Variants in FMN2 observed in about 807,000 individuals in gnomAD.
FMN2 encodes formin 2, also known as formin-2.
Under a neutral mutation model 142.3 loss-of-function variants are expected in FMN2, and 51 were observed. That is an observed-to-expected ratio of 0.36 (90% confidence interval 0.29 to 0.45). FMN2 has a LOEUF of 0.45. FMN2 is among the 20% of genes least tolerant of loss of function. The pLI is 1.00. For missense variants in FMN2, 1,936 were observed against 2,122.8 expected (o/e 0.91, Z 1.73); for synonymous variants, 882 against 869.8 (o/e 1.01, Z -0.25).
At chr1:240,388,172 C>G (rs1196865932) in intron 14 of FMN2, among the ~76,000 whole-genome samples, 1 of 67,492 alleles carries the variant, frequency 1.5e-5, no homozygotes, top group Non-Finnish European at 2.6e-5. Flanking sequence ...AGCAAGACTC[C>G]CATCTCAAAA....
intron 14 of FMN2, among the ~76,000 whole-genome samples, chr1:240,377,110 G>A (rs1158137921): frequency 1.3e-5 from 2 of 151,952 alleles, no homozygotes; most frequent in African/African-American, 2.4e-5. Context: ...CTCATAATTA[G>A]CATTTCCAGT....
At chr1:240,172,201 T>TACACAC (rs138951858) in intron 2 of FMN2, among the ~76,000 whole-genome samples, 14 of 147,128 alleles carry the variant, frequency 9.5e-5, no homozygotes, top group African/African-American at 3.4e-4. Flanking sequence ...CACATACACA[T>TACACAC]ACACACACAC....
intron 6 of FMN2, among the ~76,000 whole-genome samples, chr1:240,249,054 C>A (rs2102881861): frequency 6.6e-6 from 1 of 152,074 alleles, no homozygotes; most frequent in Non-Finnish European, 1.5e-5. Context: ...CAGGCAATGT[C>A]TTTACTCTGT....
intron 13 of FMN2, 45 bp from the exon 14 acceptor site, chr1:240,355,771 C>A: frequency 7.1e-7 from 1 of 1,405,678 alleles, no homozygotes; most frequent in Non-Finnish European, 1.0e-6. Context: ...CCTTAATGCT[C>A]CACTAACAGT....
At chr1:240,137,352 C>T (rs1253072897) in intron 2 of FMN2, among the ~76,000 whole-genome samples, 1 of 152,094 alleles carries the variant, frequency 6.6e-6, no homozygotes, top group Non-Finnish European at 1.5e-5. Flanking sequence ...GTGCCTGTCA[C>T]AACTACTCAA....
chr1:240,193,513 G>A (rs188034069), intron 4 of FMN2, among the ~76,000 whole-genome samples: 14 of 152,350 alleles, frequency 9.2e-5, no homozygotes, highest in Admixed American at 7.2e-4. Flanking sequence ...TTTTTGGATA[G>A]ATGGAGGGAA....
chr1:240,201,949 A>G (rs1005988141), intron 4 of FMN2, among the ~76,000 whole-genome samples: 3 of 152,216 alleles, frequency 2.0e-5, no homozygotes, highest in African/African-American at 7.2e-5. Flanking sequence ...CAGGGGAGTT[A>G]AAACTTTTGA....
chr1:240,257,766 A>C (rs75099561), intron 6 of FMN2, among the ~76,000 whole-genome samples, 179 bp from the exon 7 acceptor site: 8,609 of 152,254 alleles, frequency 0.057, 273 homozygotes, highest in East Asian at 0.1. Context: ...TTGAAGATTT[A>C]TGATATAAAA....
At chr1:240,448,746 G>A (rs1200441585) in intron 16 of FMN2, among the ~76,000 whole-genome samples, 1 of 152,106 alleles carries the variant, frequency 6.6e-6, no homozygotes, top group Admixed American at 6.5e-5. Flanking sequence ...ACTTGAGCAT[G>A]GGAGGTTGAG....
In FMN2 at chr1:240,198,446, G is replaced by T. The variant is rs115698833; in HGVS notation, c.1987-8353G>T. ...TCCATATCACATTTCTCAGTCATCC[G>T]TGAAGGAATGGAAAGAGATTTGCCA... On this transcript the variant is annotated intron_variant, in intron 4 of 17. Coordinates refer to ENST00000319653, the MANE Select transcript of FMN2 (RefSeq NM_020066.5). 7.2e-5 allele frequency among the ~76,000 whole-genome samples: 11 copies of T among 152,246 alleles called. No homozygotes were observed. The East Asian group carries it at 2.1e-3, about 29-fold the overall frequency.
intron 6 of FMN2, among the ~76,000 whole-genome samples, chr1:240,228,878 A>C (rs530761385): frequency 1.3e-5 from 2 of 152,288 alleles, no homozygotes; most frequent in Non-Finnish European, 2.9e-5. Context: ...AGAGTTCATT[A>C]ATCTCAGAAG....
intron 14 of FMN2, among the ~76,000 whole-genome samples, chr1:240,387,420 T>G (rs1227926575): frequency 6.6e-6 from 1 of 152,226 alleles, no homozygotes; most frequent in Non-Finnish European, 1.5e-5. Context: ...TAAATTCACA[T>G]GAAGTATTAT....
chr1:240,123,217 A>G lies in FMN2; in HGVS notation c.1654A>G (p.Asn552Asp). 1 of 1,614,126 alleles carries G rather than the reference A, an allele frequency of 6.2e-7. No homozygotes were observed. Among genetic ancestry groups the G allele is most frequent in the Non-Finnish European group, 8.5e-7 (1 of 1,180,032 alleles). The change falls in exon 2 of 18, where the codon AAC becomes GAC. Residue 552 changes from asparagine (N) to aspartate (D), a missense_variant. Coordinates refer to ENST00000319653, the MANE Select transcript of FMN2 (RefSeq NM_020066.5). ...LLEKLFSQQE[N>D]GPPEEAEKFC... ...GGAGAAGCTGTTCAGCCAGCAGGAGAACGGGCCTCCAGAAGAAGCAGAGAA... is the reference window on the plus strand; with the variant it reads ...GGAGAAGCTGTTCAGCCAGCAGGAGGACGGGCCTCCAGAAGAAGCAGAGAA...
chr1:240,093,094 G>A lies in FMN2; in HGVS notation c.985G>A (p.Gly329Arg). ...SSTAFPFPEAGPGEEAAGAPV... is the reference protein window; with the variant it reads ...SSTAFPFPEARPGEEAAGAPV... ...CACGGCTTTCCCATTTCCCGAGGCC[G>A]GGCCGGGGGAGGAAGCGGCCGGAGC... is the stretch of plus-strand genomic sequence containing the variant. The change falls in exon 1 of 18, where the codon GGG becomes AGG. Residue 329 changes from glycine (G) to arginine (R), a missense_variant. By Grantham distance (125) the Gly-to-Arg change is moderately radical (BLOSUM62 -2). Around this residue, in one of 8 missense-constraint regions of FMN2, gnomAD observed 751 missense variants for 791.8 expected, o/e 0.95. Transcript: ENST00000319653. 2 of 1,395,690 alleles carry A rather than the reference G, an allele frequency of 1.4e-6. No individual in the cohort carries two copies. The highest frequency in any genetic ancestry group is 1.6e-5 in the South Asian group (1 of 61,440). The allele number at this position is 1,395,690 out of a possible 1,614,324, so 86.5% of individuals were successfully genotyped here.
chr1:240,178,123 G>A (rs55930966), intron 3 of FMN2, 55 bp downstream of exon 3: 4 of 1,402,846 alleles, frequency 2.9e-6, no homozygotes, highest in Non-Finnish European at 3.7e-6. Context: ...TAGAGAGAGA[G>A]AAGTTTTATT....
intron 14 of FMN2, among the ~76,000 whole-genome samples, chr1:240,380,009 CAA>C (rs1673172459): frequency 6.6e-6 from 1 of 151,972 alleles, no homozygotes; most frequent in South Asian, 2.1e-4. Flanking sequence ...GGACCTAAGA[CAA>C]GAGATAGACA....
chr1:240,244,131 G>C (rs1668004163), intron 6 of FMN2, among the ~76,000 whole-genome samples: 1 of 152,064 alleles, frequency 6.6e-6, no homozygotes, highest in African/African-American at 2.4e-5. Flanking sequence ...TGCCTTATTG[G>C]ATCTGGCCAT....
intron 6 of FMN2, among the ~76,000 whole-genome samples, chr1:240,249,767 A>AT (rs1332170216): frequency 3.3e-5 from 5 of 151,960 alleles, no homozygotes; most frequent in Non-Finnish European, 7.4e-5. Context: ...GTCCTCTTCA[A>AT]TTTCTTTCAT....
Position 240,464,236 on chromosome 1 carries a change from A to G in FMN2, c.5061-8136A>G, listed in dbSNP as rs988509276. Among the ~76,000 whole-genome samples, 4 of 152,298 alleles carry G rather than the reference A, an allele frequency of 2.6e-5. No homozygotes were observed. The South Asian group carries it at 8.3e-4, about 32-fold the overall frequency. ...TGCACAGCAGCGTTCATCCACACCCATCATTACTAATCTATAGCCATTCTA... is the reference window on the plus strand; with the variant it reads ...TGCACAGCAGCGTTCATCCACACCCGTCATTACTAATCTATAGCCATTCTA... On this transcript the variant is annotated intron_variant, in intron 16 of 17. Transcript: ENST00000319653.
Sources: allele counts gnomAD v4.1 joint callset (sites outside exome capture counted in the v4.1 genomes callset), GRCh38; gene constraint gnomAD v4.1.1; regional missense constraint gnomAD v4.1.1; transcripts MANE v1.5; gene names NCBI Gene and HGNC (gene_info 2026-07-23, HGNC 2026-07-21).